Variants in SOBP observed in about 807,000 individuals in gnomAD.
SOBP encodes sine oculis-binding protein homolog.
A neutral mutation model predicts 53.6 loss-of-function variants in SOBP; 4 were observed. The ratio of observed to expected loss-of-function variants is 0.07; its 90% CI spans 0.04 to 0.17. The LOEUF is 0.17. SOBP is among the 10% of genes least tolerant of loss of function. The probability of loss-of-function intolerance (pLI) is 1.00; values close to 1 mark genes in which losing one functional copy is unlikely to be tolerated. For synonymous variants in SOBP, 584 were observed against 522.6 expected, an observed-to-expected ratio of 1.12 and a Z score of -1.60; for missense variants, 1,088 against 1,204.7, an observed-to-expected ratio of 0.90 and a Z score of 1.43.
intron 4 of SOBP, 135 bp downstream of exon 4, chr6:107,533,745 C>A: frequency 3.5e-6 from 4 of 1,133,054 alleles, no homozygotes; most frequent in Non-Finnish European, 5.1e-6. Flanking sequence ...TTGTTGATTC[C>A]CCTTTTGTGT....
rs542037360 is a variant in SOBP at position 107,593,601 on chromosome 6, C to A, written c.669+6426C>A. 2.4e-3 allele frequency among the ~76,000 whole-genome samples: 361 copies of A among 152,276 alleles called. 1 individual carries two copies. Among genetic ancestry groups the A allele is most frequent in the Non-Finnish European group, 2.2e-3 (147 of 68,012 alleles). On this transcript the variant is annotated intron_variant, in intron 5 of 6. Coordinates refer to ENST00000317357, the MANE Select transcript of SOBP (RefSeq NM_018013.4). ...AGTTTCTCACTCTCCTGAGCCTCAG[C>A]GTCTTTATCAATATGACGAGAATAA...
intron 3 of SOBP, among the ~76,000 whole-genome samples, chr6:107,520,343 T>C (rs1783445802): frequency 6.6e-6 from 1 of 152,226 alleles, no homozygotes; most frequent in Non-Finnish European, 1.5e-5. Context: ...GAATATCATC[T>C]AATTAAATTT....
chr6:107,580,495 G>A (rs1785368806), intron 4 of SOBP, among the ~76,000 whole-genome samples: 1 of 152,186 alleles, frequency 6.6e-6, no homozygotes, highest in African/African-American at 2.4e-5. Context: ...CATAATGCAT[G>A]GTCTCTGCCG....
chr6:107,557,748 T>C (rs939415027), intron 4 of SOBP: 9 of 152,220 alleles, frequency 5.9e-5, no homozygotes, highest in African/African-American at 2.2e-4. Flanking sequence ...TTCTAAAATC[T>C]GGCTGCTAAG....
chr6:107,532,612 A>G (rs746215333), intron 3 of SOBP, among the ~76,000 whole-genome samples: 3 of 152,250 alleles, frequency 2.0e-5, no homozygotes, highest in Non-Finnish European at 2.9e-5. Flanking sequence ...AGGAAAAGAA[A>G]TACAATTTAA....
rs1157732784 is a variant in SOBP at position 107,634,797 on chromosome 6, C to G, written c.1953C>G (p.Asp651Glu). 2 of 1,401,100 alleles carry G rather than the reference C, an allele frequency of 1.4e-6. No homozygotes were observed. The highest frequency in any genetic ancestry group is 1.9e-6 in the Non-Finnish European group (2 of 1,075,022). The allele number at this position is 1,401,100 out of a possible 1,614,324, so 86.8% of individuals were successfully genotyped here. ...CAGGCGTGCTGCAGGGCCCGCAGGA[C>G]GGCGTCATCGACCTGACCGTGGGCC... ...GFPGVLQGPQDGVIDLTVGHR... is the reference protein window; with the variant it reads ...GFPGVLQGPQEGVIDLTVGHR... Residue 651 changes from aspartate to glutamate, a missense_variant, in exon 6 of 7, where the codon GAC (aspartate) becomes GAG (glutamate). By Grantham distance (45) the Asp-to-Glu change is conservative. Transcript: ENST00000317357. This position sits in a 1 kb window ranked among gnomAD's most constrained non-coding sequence, Gnocchi z 4.5.
At chr6:107,570,800 C>A (rs566965214) in intron 4 of SOBP, among the ~76,000 whole-genome samples, 1 of 152,374 alleles carries the variant, frequency 6.6e-6, no homozygotes, top group Non-Finnish European at 1.5e-5. Flanking sequence ...AGTGCTATCA[C>A]AATCCATTGT....
Position 107,634,698 on chromosome 6 carries a change from C to T in SOBP, c.1854C>T (p.Ser618=). The part of the protein sequence containing the change: ...LAPTPAEHGR[S]EVVDLTRRAG... ...CCACGCCCGCCGAGCATGGCCGGAG[C>T]GAGGTGGTGGACCTGACGCGGCGCG... is the stretch of plus-strand genomic sequence containing the variant. The change falls in exon 6 of 7, where the codon AGC becomes AGT. Residue 618 remains serine, a synonymous_variant. Coordinates refer to ENST00000317357, the MANE Select transcript of SOBP (RefSeq NM_018013.4). The surrounding 1 kb of genome is among the most constrained non-coding windows in gnomAD (Gnocchi z 4.5). The T allele has an allele frequency of 6.6e-7, 1 of 1,513,290 alleles. No individual in the cohort carries two copies. Among genetic ancestry groups the T allele is most frequent in the Non-Finnish European group, 8.8e-7 (1 of 1,137,678 alleles). 93.7% of individuals were successfully genotyped at this position (1,513,290 alleles called of 1,614,324 possible). A position where few individuals can be genotyped will look rare whatever the true frequency, so the allele number is the denominator to read the frequency against.
At position 107,490,125 on chromosome 6, in the gene SOBP, G is replaced by T. The variant is rs1268669697; in HGVS notation, c.-492G>T. On this transcript the variant is annotated 5_prime_UTR_variant, in exon 1 of 7. Coordinates refer to ENST00000317357, the MANE Select transcript of SOBP (RefSeq NM_018013.4). ...GGCGCCGGGGCTGGCGCGCTCTCCCGGGCTCACACACAGCCGCGCACGCAC... is the reference window on the plus strand; with the variant it reads ...GGCGCCGGGGCTGGCGCGCTCTCCCTGGCTCACACACAGCCGCGCACGCAC... 1.3e-5 allele frequency: 2 copies of T among 149,020 alleles called. No homozygotes were observed. The highest frequency in any genetic ancestry group is 3.0e-5 in the Non-Finnish European group (2 of 66,626). 9.2% of individuals were successfully genotyped at this position (149,020 alleles called of 1,614,324 possible).
chr6:107,599,566 G>T (rs1221818337), intron 5 of SOBP, among the ~76,000 whole-genome samples: 1 of 147,686 alleles, frequency 6.8e-6, no homozygotes, highest in Admixed American at 6.7e-5. Flanking sequence ...AATTTGCTGG[G>T]TTTATAAAGG....
At chr6:107,653,444 G>C (rs1771892862) in intron 6 of SOBP, among the ~76,000 whole-genome samples, 1 of 152,252 alleles carries the variant, frequency 6.6e-6, no homozygotes. Flanking sequence ...ACTGTGATAA[G>C]TGATGGGCAG....
chr6:107,557,285 G>A (rs987483915), intron 4 of SOBP, among the ~76,000 whole-genome samples: 1 of 152,182 alleles, frequency 6.6e-6, no homozygotes, highest in African/African-American at 2.4e-5. Context: ...TAAGTAATTA[G>A]TGAATACCTC....
intron 4 of SOBP, among the ~76,000 whole-genome samples, chr6:107,560,806 A>C (rs1182516744): frequency 6.6e-6 from 1 of 152,046 alleles, no homozygotes; most frequent in East Asian, 1.9e-4. Flanking sequence ...ATACATGGCC[A>C]TGTTCACGGC....
intron 4 of SOBP, among the ~76,000 whole-genome samples, chr6:107,560,973 G>A (rs763642367): frequency 1.1e-4 from 16 of 152,042 alleles, no homozygotes; most frequent in Non-Finnish European, 2.2e-4. Context: ...TAATATACTC[G>A]CTTTCAGTTT....
intron 6 of SOBP, among the ~76,000 whole-genome samples, chr6:107,640,524 G>A (rs930684838): frequency 1.3e-5 from 2 of 152,192 alleles, no homozygotes; most frequent in African/African-American, 4.8e-5. Flanking sequence ...GGACACATGT[G>A]AGTGGGAGGA....
At chr6:107,646,398 GC>G (rs994561723) in intron 6 of SOBP, among the ~76,000 whole-genome samples, 7 of 152,180 alleles carry the variant, frequency 4.6e-5, no homozygotes, top group African/African-American at 1.7e-4. Flanking sequence ...AGAAACAGAG[GC>G]CCCACCCTTC....
At chr6:107,602,036 A>G (rs564745395) in intron 5 of SOBP, among the ~76,000 whole-genome samples, 2 of 152,350 alleles carry the variant, frequency 1.3e-5, no homozygotes, top group African/African-American at 2.4e-5. Flanking sequence ...ATACACTACT[A>G]TAACACACCT....
intron 4 of SOBP, among the ~76,000 whole-genome samples, chr6:107,544,362 A>T (rs750219981): frequency 6.6e-6 from 1 of 152,232 alleles, no homozygotes; most frequent in Non-Finnish European, 1.5e-5. Flanking sequence ...GTTGAACAGT[A>T]ACTATGGGAG....
chr6:107,597,294 T>C (rs1486590510), intron 5 of SOBP, among the ~76,000 whole-genome samples: 1 of 152,234 alleles, frequency 6.6e-6, no homozygotes, highest in Non-Finnish European at 1.5e-5. Flanking sequence ...TTCCAAATTG[T>C]CTGGTAATTA....
Sources: gnomAD v4.1 joint callset for allele counts (sites outside exome capture counted in the v4.1 genomes callset) on GRCh38, gnomAD v4.1.1 for gene constraint, Gnocchi (gnomAD v3.1) non-coding constraint, MANE v1.5 for transcripts, NCBI Gene and HGNC (gene_info 2026-07-23, HGNC 2026-07-21) for gene names.